ARK2C: variants seen among roughly 807,000 people sequenced by gnomAD.
ARK2C encodes arkadia (RNF111) C-terminal like ring finger ubiquitin ligase 2C, also known as E3 ubiquitin-protein ligase ARK2C.
At chr18:46,354,063 G>A in the ARK2C span, among the ~76,000 whole-genome samples, 1 of 152,302 alleles carries the variant, frequency 6.6e-6, no homozygotes, top group South Asian at 2.1e-4. Flanking sequence ...AAACCAGGAA[G>A]GCAGGAGCCA....
chr18:46,388,612 G>A, the ARK2C span, among the ~76,000 whole-genome samples: 10 of 152,100 alleles, frequency 6.6e-5, no homozygotes, highest in East Asian at 3.9e-4. Context: ...TCTGGGGAGC[G>A]ATGGACCTCT....
At chr18:46,365,039 T>TTGCTTCTAATGCCCTATAAGTCTCTGG in the ARK2C span, among the ~76,000 whole-genome samples, 14 of 152,206 alleles carry the variant, frequency 9.2e-5, no homozygotes, top group Non-Finnish European at 2.1e-4. Context: ...GGGAGTTCCC[T>TTGCTTCTAATGCCCTATAAGTCTCTGG]TTCTTCTAAT....
the ARK2C span, among the ~76,000 whole-genome samples, chr18:46,374,239 T>C: frequency 4.0e-3 from 604 of 152,294 alleles, 4 homozygotes; most frequent in African/African-American, 0.014. Context: ...ATTTAATTAA[T>C]GAATTTTTAT....
At chr18:46,462,022 G>A in the ARK2C span, 2 of 152,320 alleles carry the variant, frequency 1.3e-5, no homozygotes, top group Non-Finnish European at 2.9e-5. Context: ...ATGGAAAACA[G>A]ATTGGGACAT....
At chr18:46,336,193 A>T in the ARK2C span, 1 of 985,430 alleles carries the variant, frequency 1.0e-6, no homozygotes, top group Non-Finnish European at 1.2e-6. Context: ...ACTAGGCAGA[A>T]ATTCAAAAAT....
chr18:46,401,014 G>A, the ARK2C span, among the ~76,000 whole-genome samples: 1 of 152,146 alleles, frequency 6.6e-6, no homozygotes, highest in Admixed American at 6.5e-5. Context: ...GCCTTGAACT[G>A]GAAACGCTGG....
At chr18:46,341,957 A>T in the ARK2C span, among the ~76,000 whole-genome samples, 1 of 152,136 alleles carries the variant, frequency 6.6e-6, no homozygotes, top group Admixed American at 6.5e-5. Context: ...GGGGAACGGG[A>T]GGGAGCCCGA....
chr18:46,456,858 A>G, the ARK2C span: 3,862 of 530,420 alleles, frequency 7.3e-3, 75 homozygotes, highest in African/African-American at 0.038. Context: ...CGCCTGGCTG[A>G]GCAGGAGAGA....
At chr18:46,450,688 A>C in the ARK2C span, 1 of 1,607,796 alleles carries the variant, frequency 6.2e-7, no homozygotes, top group East Asian at 2.2e-5. Context: ...ACATGTGCAC[A>C]TTTTTCTCTT....
the ARK2C span, among the ~76,000 whole-genome samples, chr18:46,340,925 A>G: frequency 6.6e-6 from 1 of 152,282 alleles, no homozygotes; most frequent in Non-Finnish European, 1.5e-5. Context: ...AGGAGGAGGA[A>G]GAGGAGAGAG....
the ARK2C span, among the ~76,000 whole-genome samples, chr18:46,434,131 G>A: frequency 6.6e-6 from 1 of 152,136 alleles, no homozygotes; most frequent in Non-Finnish European, 1.5e-5. Context: ...GGGGCCCTGG[G>A]TAAGTCACTG....
chr18:46,381,036 G>C, the ARK2C span, among the ~76,000 whole-genome samples: 1 of 152,242 alleles, frequency 6.6e-6, no homozygotes, highest in Admixed American at 6.5e-5. Context: ...CCATGTGTGG[G>C]AGTGTGGGGG....
chr18:46,335,388 A>C, the ARK2C span: 2 of 148,854 alleles, frequency 1.3e-5, no homozygotes, highest in African/African-American at 5.0e-5. Context: ...CCCCACCTCC[A>C]CTCCACATTT....
At chr18:46,453,610 C>T in the ARK2C span, among the ~76,000 whole-genome samples, 3 of 150,136 alleles carry the variant, frequency 2.0e-5, no homozygotes, top group Admixed American at 6.6e-5. Flanking sequence ...TGGAAAAAAC[C>T]CTTAAAAATT....
chr18:46,354,323 C>T, the ARK2C span, among the ~76,000 whole-genome samples: 1 of 152,228 alleles, frequency 6.6e-6, no homozygotes, highest in Non-Finnish European at 1.5e-5. Context: ...GAATTGGACA[C>T]ACCTCCCAGC....
chr18:46,404,268 G>A, the ARK2C span, among the ~76,000 whole-genome samples: 146 of 152,316 alleles, frequency 9.6e-4, 1 homozygote, highest in Non-Finnish European at 1.9e-3. Flanking sequence ...GAAGATGTAG[G>A]TGGTATGAGT....
chr18:46,415,713 C>A, the ARK2C span, among the ~76,000 whole-genome samples: 1 of 152,066 alleles, frequency 6.6e-6, no homozygotes, highest in Non-Finnish European at 1.5e-5. Context: ...GTCTTTCTAA[C>A]CCTTGAGCCT....
the ARK2C span, among the ~76,000 whole-genome samples, chr18:46,356,502 G>A: frequency 6.6e-6 from 1 of 152,306 alleles, no homozygotes; most frequent in Non-Finnish European, 1.5e-5. Flanking sequence ...GGCAGAGAGA[G>A]AGGGAGCCCT....
the ARK2C span, among the ~76,000 whole-genome samples, chr18:46,423,257 GC>G: frequency 6.6e-6 from 1 of 152,192 alleles, no homozygotes; most frequent in African/African-American, 2.4e-5. Context: ...CTTGTCCTTG[GC>G]ATTTCCTTAG....
Sources: allele counts gnomAD v4.1 joint callset (sites outside exome capture counted in the v4.1 genomes callset), GRCh38; gene constraint gnomAD v4.1.1; transcripts MANE v1.5; gene names NCBI Gene and HGNC (gene_info 2026-07-23, HGNC 2026-07-21).